Variants in CLDN16 observed in about 807,000 individuals in gnomAD.
CLDN16 encodes the protein claudin 16, also known as claudin-16.
CLDN16 carries 13 observed loss-of-function variants against 24.6 expected under a neutral mutation model. The observed-to-expected ratio is 0.53, with a 90% CI of 0.34 to 0.84. The LOEUF (loss-of-function observed/expected upper bound fraction) is 0.84. Ranked by LOEUF, CLDN16 falls within the 40% of genes least tolerant of loss-of-function variation. CLDN16 has a pLI of 0.01. For synonymous variants in CLDN16, 116 were observed against 106.7 expected, an observed-to-expected ratio of 1.09 and a Z score of -0.54; for missense variants, 298 against 292.7, an observed-to-expected ratio of 1.02 and a Z score of -0.13.
At chr3:190,389,883 C>T (rs967407184) in intron 1 of CLDN16, among the ~76,000 whole-genome samples, 1 of 152,086 alleles carries the variant, frequency 6.6e-6, no homozygotes. Flanking sequence ...AATGTAAAAT[C>T]CCATCTAGGG....
At chr3:190,391,023 G>A (rs1027468939) in intron 1 of CLDN16, among the ~76,000 whole-genome samples, 2 of 152,186 alleles carry the variant, frequency 1.3e-5, no homozygotes, top group Admixed American at 1.3e-4. Context: ...CAGGCCTCAA[G>A]TGATCCTCTT....
At chr3:190,397,569 T>C (rs1044882969) in intron 1 of CLDN16, among the ~76,000 whole-genome samples, 2 of 152,216 alleles carry the variant, frequency 1.3e-5, no homozygotes, top group African/African-American at 4.8e-5. Flanking sequence ...TGATAAATCA[T>C]ACCAGAGAGC....
At chr3:190,373,874 G>C (rs532420717) in intron 2 of CLDN16, among the ~76,000 whole-genome samples, 2 of 151,130 alleles carry the variant, frequency 1.3e-5, no homozygotes, top group South Asian at 4.2e-4. Context: ...GATCAGTATT[G>C]TTTTGGTGGT....
At chr3:190,401,682 G>A (rs1375919579) in intron 1 of CLDN16, among the ~76,000 whole-genome samples, 1 of 152,152 alleles carries the variant, frequency 6.6e-6, no homozygotes, top group East Asian at 1.9e-4. Flanking sequence ...CAGTCGTCAA[G>A]TTGTATGAAA....
intron 1 of CLDN16, among the ~76,000 whole-genome samples, chr3:190,391,939 G>A (rs13063025): frequency 0.61 from 93,000 of 151,882 alleles, 29,447 homozygotes; most frequent in East Asian, 0.86. Context: ...TTTTTCAAGC[G>A]TATGTTTGCA....
Position 190,400,271 on chromosome 3 carries a change from G to T in CLDN16, c.115-2066G>T, listed in dbSNP as rs556741187. Among the ~76,000 whole-genome samples the T allele has an allele frequency of 1.6e-4, 24 of 151,554 alleles. No homozygotes were observed. The South Asian group carries it at 2.9e-3, about 18-fold the overall frequency. Reference sequence around the variant, plus strand: ...TGTTTGTTTGTTTAGACGGAATCTCGCTCTGTCGCCAGGCTGCAGTGCAGT... The same window carrying T: ...TGTTTGTTTGTTTAGACGGAATCTCTCTCTGTCGCCAGGCTGCAGTGCAGT... On this transcript the variant is annotated intron_variant, in intron 1 of 4. Transcript: ENST00000264734.
In CLDN16 at chr3:190,388,214, G is replaced by T. The variant is rs763354782; in HGVS notation, c.-116G>T. On this transcript the variant is annotated 5_prime_UTR_variant, in exon 1 of 5. Coordinates refer to ENST00000264734, the MANE Select transcript of CLDN16 (RefSeq NM_006580.4). Reference sequence around the variant, plus strand: ...CAGCAGGGCGTGAGAAAAAGTAAAAGACCAGTATTTTCACATTGCCAGGTA... The same window carrying T: ...CAGCAGGGCGTGAGAAAAAGTAAAATACCAGTATTTTCACATTGCCAGGTA... 3.3e-5 allele frequency: 53 copies of T among 1,613,918 alleles called. No individual in the cohort carries two copies. The highest frequency in any genetic ancestry group is 4.2e-5 in the Non-Finnish European group (50 of 1,179,994).
chr3:190,302,782 AT>A, the CLDN16 span, among the ~76,000 whole-genome samples: 5,344 of 58,208 alleles, frequency 0.092, 329 homozygotes, highest in African/African-American at 0.2. Context: ...AAAAAAAAAT[AT>A]ATATATATAT....
At chr3:190,388,634 G>T (rs370454514) in intron 1 of CLDN16, among the ~76,000 whole-genome samples, 191 bp downstream of exon 1, 1 of 152,166 alleles carries the variant, frequency 6.6e-6, no homozygotes, top group Non-Finnish European at 1.5e-5. Flanking sequence ...GGTAGGTCTT[G>T]TTATCCCATT....
upstream of CLDN16, chr3:190,322,277 C>A: frequency 1.5e-6 from 2 of 1,361,554 alleles, no homozygotes; most frequent in Non-Finnish European, 2.1e-6. Flanking sequence ...AGGTGGGCAA[C>A]CCGGACTCCC....
intron 1 of CLDN16, among the ~76,000 whole-genome samples, chr3:190,348,992 A>G (rs1717615888): frequency 6.6e-6 from 1 of 152,206 alleles, no homozygotes; most frequent in African/African-American, 2.4e-5. Flanking sequence ...CAAAGGACAT[A>G]ATCTCATTCT....
intron 1 of CLDN16, among the ~76,000 whole-genome samples, chr3:190,346,101 G>T (rs1348210755): frequency 1.3e-5 from 2 of 151,968 alleles, no homozygotes; most frequent in Non-Finnish European, 2.9e-5. Context: ...GTAAGACAGA[G>T]GGATCTTCCT....
chr3:190,374,368 A>T (rs959760551), intron 2 of CLDN16, among the ~76,000 whole-genome samples: 1 of 150,322 alleles, frequency 6.7e-6, no homozygotes, highest in African/African-American at 2.5e-5. Flanking sequence ...CAAATGTGTA[A>T]GTTATCAACA....
intron 1 of CLDN16, among the ~76,000 whole-genome samples, chr3:190,324,505 T>TAAAC (rs1385119163): frequency 2.0e-5 from 3 of 152,104 alleles, no homozygotes; most frequent in African/African-American, 7.2e-5. Context: ...AATAAATAAA[T>TAAAC]AAACAAATAA....
At chr3:190,399,585 C>T (rs1718910550) in intron 1 of CLDN16, among the ~76,000 whole-genome samples, 2 of 152,016 alleles carry the variant, frequency 1.3e-5, no homozygotes, top group African/African-American at 2.4e-5. Context: ...AAATGGGGTA[C>T]CTAGTGATGT....
At chr3:190,385,082 T>C (rs1396994131), upstream of CLDN16, among the ~76,000 whole-genome samples, 2 of 152,122 alleles carry the variant, frequency 1.3e-5, no homozygotes, top group African/African-American at 2.4e-5. Context: ...AGGACTAGGA[T>C]GAGTTCTTCC....
chr3:190,394,095 G>C (rs1471887448), intron 1 of CLDN16, among the ~76,000 whole-genome samples: 1 of 151,846 alleles, frequency 6.6e-6, no homozygotes, highest in Non-Finnish European at 1.5e-5. Context: ...TGTCTGACCA[G>C]GGAAATAAGA....
At chr3:190,335,023 CTT>C (rs57744577) in intron 1 of CLDN16, among the ~76,000 whole-genome samples, 13,512 of 134,116 alleles carry the variant, frequency 0.1, 599 homozygotes, top group East Asian at 0.16. Context: ...TTTCTTTTTT[CTT>C]TTTTTTTTTT....
chr3:190,365,468 C>CTT (rs1375248563), intron 1 of CLDN16, among the ~76,000 whole-genome samples: 2 of 150,482 alleles, frequency 1.3e-5, no homozygotes, highest in Non-Finnish European at 3.0e-5. Context: ...ATGCACACTT[C>CTT]TTTACGCCTT....
Sources: allele counts gnomAD v4.1 joint callset (sites outside exome capture counted in the v4.1 genomes callset), GRCh38; gene constraint gnomAD v4.1.1; transcripts MANE v1.5; gene names NCBI Gene and HGNC (gene_info 2026-07-23, HGNC 2026-07-21).